CSRNP3: variants seen among roughly 807,000 people sequenced by gnomAD.
CSRNP3 encodes the protein cysteine/serine-rich nuclear protein 3.
A neutral mutation model predicts 48.0 loss-of-function variants in CSRNP3; 12 were observed. The observed-to-expected ratio is 0.25, with a 90% CI of 0.16 to 0.41. The LOEUF (loss-of-function observed/expected upper bound fraction) is 0.41, where lower values mean the gene tolerates loss of function less well. CSRNP3 is among the 10% of genes least tolerant of loss of function. The pLI is 1.00. For missense variants in CSRNP3, 580 were observed against 724.4 expected (o/e 0.80, Z 2.29); for synonymous variants, 263 against 269.7 (o/e 0.98, Z 0.24).
At chr2:165,599,587 A>G (rs1685877924) in intron 4 of CSRNP3, among the ~76,000 whole-genome samples, 1 of 152,180 alleles carries the variant, frequency 6.6e-6, no homozygotes, top group African/African-American at 2.4e-5. Context: ...CACCATGCCC[A>G]TCCTGTGATC....
intron 3 of CSRNP3, among the ~76,000 whole-genome samples, chr2:165,584,314 C>G (rs1377531873): frequency 1.3e-5 from 2 of 152,128 alleles, no homozygotes; most frequent in African/African-American, 4.8e-5. Context: ...TTTTCTAGCC[C>G]TCACTCAAGA....
chr2:165,512,728 G>A (rs1684523674), intron 2 of CSRNP3, among the ~76,000 whole-genome samples: 1 of 152,196 alleles, frequency 6.6e-6, no homozygotes, highest in Admixed American at 6.5e-5. Flanking sequence ...GTATGTGAAG[G>A]CACAAAATTG....
chr2:165,610,655 G>A (rs1686121155), intron 4 of CSRNP3, among the ~76,000 whole-genome samples: 6 of 152,204 alleles, frequency 3.9e-5, no homozygotes, highest in Admixed American at 3.3e-4. Context: ...TGTCATGACT[G>A]AAGGGGTAAG....
At chr2:165,585,034 G>C (rs1022518501) in intron 3 of CSRNP3, among the ~76,000 whole-genome samples, 4 of 152,098 alleles carry the variant, frequency 2.6e-5, no homozygotes, top group African/African-American at 9.7e-5. Flanking sequence ...TTCACTGTTT[G>C]ATTAACATAA....
chr2:165,522,197 C>T (rs565607372), intron 3 of CSRNP3, among the ~76,000 whole-genome samples: 1 of 152,148 alleles, frequency 6.6e-6, no homozygotes, highest in Non-Finnish European at 1.5e-5. Flanking sequence ...GTGGCTGAGG[C>T]ATGAGAATCA....
At position 165,687,206 on chromosome 2, in the gene CSRNP3, A is replaced by G. The variant is rs1687643891; in HGVS notation, c.*7453A>G. 1 of 152,150 alleles carries G rather than the reference A, an allele frequency of 6.6e-6. No individual in the cohort carries two copies. The highest frequency in any genetic ancestry group is 1.5e-5 in the Non-Finnish European group (1 of 68,012). 9.4% of individuals were successfully genotyped at this position (152,150 alleles called of 1,614,324 possible). A position where few individuals can be genotyped will look rare whatever the true frequency, so the allele number is the denominator to read the frequency against. On this transcript the variant is annotated 3_prime_UTR_variant, in exon 7 of 7. Coordinates refer to ENST00000651982, the MANE Select transcript of CSRNP3 (RefSeq NM_001172173.2). ...TATTACATTAATATATGATCATTCCATAAGTCTCCTAAGAAATCAGATTTT... is the reference window on the plus strand; with the variant it reads ...TATTACATTAATATATGATCATTCCGTAAGTCTCCTAAGAAATCAGATTTT...
Position 165,650,812 on chromosome 2 carries a change from T to G in CSRNP3, c.149-6949T>G, listed in dbSNP as rs554931690. Among the ~76,000 whole-genome samples, 81 of 152,344 alleles carry G rather than the reference T, an allele frequency of 5.3e-4. 1 individual carries two copies. The highest frequency in any genetic ancestry group is 1.7e-3 in the African/African-American group (70 of 41,580). On this transcript the variant is annotated intron_variant, in intron 4 of 6. Coordinates refer to ENST00000651982, the MANE Select transcript of CSRNP3 (RefSeq NM_001172173.2). ...ATAAATAAATTCAAAACCATAGACT[T>G]GCAAATTATCTGGCATTTTCCTTTT...
Position 165,678,898 on chromosome 2 carries a change from T to C in CSRNP3, c.903T>C (p.Ser301=), listed in dbSNP as rs1256238867. The change falls in exon 7 of 7, where the codon TCT becomes TCC. Residue 301 remains serine, a synonymous_variant. Coordinates refer to ENST00000651982, the MANE Select transcript of CSRNP3 (RefSeq NM_001172173.2). ...GTGAGATAAGTGCTCACAGTAGTTC[T>C]ATGGGCCCTGTCGCTCACTCCGTAG... ...CHSEISAHSS[S]MGPVAHSVEY... 6.2e-7 allele frequency: 1 copy of C among 1,614,086 alleles called. No homozygotes were observed. The highest frequency in any genetic ancestry group is 8.5e-7 in the Non-Finnish European group (1 of 1,179,994).
chr2:165,685,892 C>T lies in CSRNP3; in HGVS notation c.*6139C>T, dbSNP rs955761383. The T allele has an allele frequency of 5.3e-5, 8 of 151,996 alleles. No individual in the cohort carries two copies. Among genetic ancestry groups the T allele is most frequent in the Admixed American group, 3.9e-4 (6 of 15,218 alleles). The allele number at this position is 151,996 out of a possible 1,614,324, so 9.4% of individuals were successfully genotyped here. ...TACCACGGTGATAGTTAAGTTCATT[C>T]GTTAACTCATTTTAGTGACATGTGA... On this transcript the variant is annotated 3_prime_UTR_variant, in exon 7 of 7. Coordinates refer to ENST00000651982, the MANE Select transcript of CSRNP3 (RefSeq NM_001172173.2).
chr2:165,482,030 T>TA (rs1192503717), intron 1 of CSRNP3, among the ~76,000 whole-genome samples: 1 of 151,858 alleles, frequency 6.6e-6, no homozygotes, highest in Non-Finnish European at 1.5e-5. Context: ...CCCTGTGACA[T>TA]ACAATTTACA....
At chr2:165,664,231 G>A (rs1267134896) in intron 5 of CSRNP3, among the ~76,000 whole-genome samples, 7 of 152,122 alleles carry the variant, frequency 4.6e-5, no homozygotes, top group African/African-American at 1.7e-4. Context: ...TTTTCCTTTA[G>A]TTTTCCAGAG....
intron 2 of CSRNP3, among the ~76,000 whole-genome samples, chr2:165,510,603 C>G (rs1684488692): frequency 6.6e-6 from 1 of 152,086 alleles, no homozygotes; most frequent in Non-Finnish European, 1.5e-5. Context: ...CACTAAGGAG[C>G]TAGGTTTTAA....
At chr2:165,483,613 A>T (rs567012052) in intron 1 of CSRNP3, among the ~76,000 whole-genome samples, 1 of 152,370 alleles carries the variant, frequency 6.6e-6, no homozygotes, top group East Asian at 1.9e-4. Context: ...ACAACAAAAT[A>T]TCATAGACTG....
At chr2:165,672,895 G>T (rs1401655420) in intron 5 of CSRNP3, among the ~76,000 whole-genome samples, 1 of 152,072 alleles carries the variant, frequency 6.6e-6, no homozygotes, top group African/African-American at 2.4e-5. Context: ...GGGATAGCAG[G>T]GAATAGGAAT....
At chr2:165,617,808 G>A (rs914411501) in intron 4 of CSRNP3, among the ~76,000 whole-genome samples, 1 of 152,216 alleles carries the variant, frequency 6.6e-6, no homozygotes, top group African/African-American at 2.4e-5. Flanking sequence ...CCCACATAAT[G>A]TGCTTGACCA....
At chr2:165,637,131 G>T (rs1686641261) in intron 4 of CSRNP3, among the ~76,000 whole-genome samples, 1 of 152,282 alleles carries the variant, frequency 6.6e-6, no homozygotes, top group African/African-American at 2.4e-5. Context: ...TATGATTCTA[G>T]GTTGATTCAA....
chr2:165,554,207 A>G (rs1404073033), intron 3 of CSRNP3, among the ~76,000 whole-genome samples: 1 of 152,040 alleles, frequency 6.6e-6, no homozygotes. Flanking sequence ...TTTTTCTCCT[A>G]TCACATTTTC....
At chr2:165,558,640 T>C (rs1468609364) in intron 3 of CSRNP3, among the ~76,000 whole-genome samples, 7 of 152,180 alleles carry the variant, frequency 4.6e-5, no homozygotes, top group African/African-American at 1.7e-4. Flanking sequence ...ACATATTTAC[T>C]CTGATTAGCC....
intron 5 of CSRNP3, among the ~76,000 whole-genome samples, chr2:165,659,198 G>A (rs776483065): frequency 6.6e-6 from 1 of 152,092 alleles, no homozygotes; most frequent in Non-Finnish European, 1.5e-5. Flanking sequence ...TATGAAGTTA[G>A]ACCAGTTAGA....
Sources: gnomAD v4.1 joint callset for allele counts (sites outside exome capture counted in the v4.1 genomes callset) on GRCh38, gnomAD v4.1.1 for gene constraint, MANE v1.5 for transcripts, NCBI Gene and HGNC (gene_info 2026-07-23, HGNC 2026-07-21) for gene names.